Variants in MPDZ observed in about 807,000 individuals in gnomAD.
The protein encoded by MPDZ is multiple PDZ domain protein.
MPDZ carries 234 observed loss-of-function variants against 239.1 expected under a neutral mutation model. The observed-to-expected ratio is 0.98, with a 90% CI of 0.88 to 1.09. The LOEUF is 1.09. Ranked by LOEUF, MPDZ falls within the 50% of genes least tolerant of loss-of-function variation. The pLI is 0.00. For synonymous variants in MPDZ, 1,048 were observed against 881.3 expected (o/e 1.19, Z -3.35); for missense variants, 3,175 against 2,510.0 (o/e 1.26, Z -5.66).
rs1415719520 is a variant in MPDZ at position 13,143,639 on chromosome 9, A to G, written c.3742-75T>C. The G allele has an allele frequency of 3.5e-6, 4 of 1,153,670 alleles. No individual in the cohort carries two copies. The Admixed American group carries it at 6.8e-5, about 20-fold the overall frequency. The allele number at this position is 1,153,670 out of a possible 1,614,324, so 71.5% of individuals were successfully genotyped here. A position where few individuals can be genotyped will look rare whatever the true frequency, so the allele number is the denominator to read the frequency against. On this transcript the variant is annotated intron_variant, in intron 26 of 46. Transcript: ENST00000319217. ...CAACTCAGTTTTAAAAGCAAAGTAC[A>G]TACCGATTTAAAGAACTGCCTGTGT...
intron 1 of MPDZ, among the ~76,000 whole-genome samples, chr9:13,270,919 T>A (rs760445200): frequency 2.0e-5 from 3 of 152,074 alleles, no homozygotes; most frequent in Non-Finnish European, 2.9e-5. Context: ...GTCACAGGAG[T>A]GACAGATCTA....
intron 19 of MPDZ, among the ~76,000 whole-genome samples, chr9:13,182,136 G>T (rs753227411): frequency 6.6e-6 from 1 of 151,988 alleles, no homozygotes; most frequent in Non-Finnish European, 1.5e-5. Context: ...CTAGACCTAC[G>T]GAAATTCTAC....
chr9:13,201,060 A>AT (rs986906155), intron 12 of MPDZ, among the ~76,000 whole-genome samples: 5 of 151,444 alleles, frequency 3.3e-5, no homozygotes, highest in African/African-American at 9.7e-5. Flanking sequence ...CTTCAGGTTT[A>AT]TTTTTTTTAA....
intron 28 of MPDZ, 86 bp downstream of exon 28, chr9:13,139,901 T>C: frequency 6.7e-7 from 1 of 1,498,818 alleles, no homozygotes; most frequent in South Asian, 1.1e-5. Context: ...TGCAACATAC[T>C]TACTTATCCA....
chr9:13,213,743 C>T (rs1275820633), intron 10 of MPDZ, among the ~76,000 whole-genome samples: 2 of 152,010 alleles, frequency 1.3e-5, no homozygotes, highest in Non-Finnish European at 2.9e-5. Flanking sequence ...TTTGCATCAA[C>T]AATTTCCTTC....
At chr9:13,217,852 T>C (rs1247646649) in intron 8 of MPDZ, among the ~76,000 whole-genome samples, 1 of 151,844 alleles carries the variant, frequency 6.6e-6, no homozygotes, top group Non-Finnish European at 1.5e-5. Flanking sequence ...TCCTCATAAT[T>C]CAGCATCCTG....
intron 1 of MPDZ, among the ~76,000 whole-genome samples, chr9:13,268,557 C>T (rs1972296748): frequency 2.0e-5 from 3 of 152,108 alleles, no homozygotes; most frequent in Middle Eastern, 3.4e-3. Flanking sequence ...TATACGGCAA[C>T]GTGATAGGTA....
At position 13,186,402 on chromosome 9, in the gene MPDZ, G is replaced by C. The variant is rs1389068853; in HGVS notation, c.2365-16C>G. 1.3e-6 allele frequency: 2 copies of C among 1,492,952 alleles called. No homozygotes were observed. The highest frequency in any genetic ancestry group is 1.4e-5 in the African/African-American group (1 of 71,918). 92.5% of individuals were successfully genotyped at this position (1,492,952 alleles called of 1,614,324 possible). The stretch of plus-strand genomic sequence containing the variant: ...CTGGTGAAAGCTGCAGGGAAAAAAT[G>C]GTATTCATGGAAAAGAGAGAGAACA... On this transcript the variant is annotated splice_polypyrimidine_tract_variant and intron_variant, in intron 17 of 46. Coordinates refer to ENST00000319217, the MANE Select transcript of MPDZ (RefSeq NM_001378778.1).
chr9:13,236,441 C>G (rs901117473), intron 3 of MPDZ, among the ~76,000 whole-genome samples: 1 of 150,248 alleles, frequency 6.7e-6, no homozygotes, highest in African/African-American at 2.5e-5. Flanking sequence ...TACCACCCAC[C>G]TGGCTAATTT....
Position 13,236,249 on chromosome 9 carries a change from G to GTGTATATATATA in MPDZ, c.183+11385_183+11386insTATATATATACA, listed in dbSNP as rs1329605248. Among the ~76,000 whole-genome samples, 4 of 35,850 alleles carry GTGTATATATATA rather than the reference G, an allele frequency of 1.1e-4. 1 individual carries two copies. The highest frequency in any genetic ancestry group is 4.7e-4 in the African/African-American group (4 of 8,556). 23.5% of individuals were successfully genotyped at this position (35,850 alleles called of 152,430 possible). A position where few individuals can be genotyped will look rare whatever the true frequency, so the allele number is the denominator to read the frequency against. ...TGTATATGTATATGTGTGTGTGTGT[G>GTGTATATATATA]TATATATATATATATATATTTTTTT... On this transcript the variant is annotated intron_variant, in intron 3 of 46. Transcript: ENST00000319217.
At chr9:13,265,753 C>A (rs1263079065) in intron 1 of MPDZ, among the ~76,000 whole-genome samples, 1 of 152,020 alleles carries the variant, frequency 6.6e-6, no homozygotes, top group Non-Finnish European at 1.5e-5. Flanking sequence ...TTTGTGAGAT[C>A]TCGATGACAC....
chr9:13,175,457 T>C (rs760270154), intron 21 of MPDZ, among the ~76,000 whole-genome samples: 25 of 152,226 alleles, frequency 1.6e-4, no homozygotes, highest in Non-Finnish European at 8.8e-5. Context: ...TTTCTAAGAA[T>C]TCCTTTTCTG....
intron 24 of MPDZ, among the ~76,000 whole-genome samples, chr9:13,151,508 T>A (rs774903165): frequency 5.3e-5 from 8 of 152,108 alleles, no homozygotes; most frequent in African/African-American, 1.9e-4. Flanking sequence ...GAAGACATTA[T>A]GCTAAGTGAA....
chr9:13,121,633 G>T, intron 38 of MPDZ, 106 bp downstream of exon 38: 2 of 1,181,780 alleles, frequency 1.7e-6, no homozygotes, highest in Non-Finnish European at 2.5e-6. Context: ...GCTACCTACT[G>T]AACACTAGCC....
At chr9:13,107,976 A>G (rs1941765412) in intron 46 of MPDZ, among the ~76,000 whole-genome samples, 1 of 152,168 alleles carries the variant, frequency 6.6e-6, no homozygotes, top group South Asian at 2.1e-4. Flanking sequence ...ATTTTTGGAC[A>G]TACCGATAGC....
chr9:13,180,242 AG>A (rs1953101839), intron 19 of MPDZ, among the ~76,000 whole-genome samples: 1 of 152,226 alleles, frequency 6.6e-6, no homozygotes, highest in Admixed American at 6.5e-5. Context: ...ATAATTTGTA[AG>A]AATGTTCAGA....
chr9:13,237,956 A>C (rs1004807205), intron 3 of MPDZ, among the ~76,000 whole-genome samples: 29 of 152,330 alleles, frequency 1.9e-4, no homozygotes, highest in African/African-American at 6.3e-4. Flanking sequence ...CAAGATAGAC[A>C]AATAGATTTT....
intron 3 of MPDZ, among the ~76,000 whole-genome samples, chr9:13,234,849 C>G (rs1353689770): frequency 6.6e-6 from 1 of 151,672 alleles, no homozygotes; most frequent in East Asian, 1.9e-4. Flanking sequence ...CTTGTATTTT[C>G]TTCTTGCAGG....
intron 28 of MPDZ, among the ~76,000 whole-genome samples, chr9:13,139,305 A>C (rs1947299730): frequency 6.6e-6 from 1 of 152,220 alleles, no homozygotes; most frequent in Non-Finnish European, 1.5e-5. Flanking sequence ...AATGACATTG[A>C]TAACTTTGGG....
Sources: allele counts gnomAD v4.1 joint callset (sites outside exome capture counted in the v4.1 genomes callset), GRCh38; gene constraint gnomAD v4.1.1; transcripts MANE v1.5; gene names NCBI Gene and HGNC (gene_info 2026-07-23, HGNC 2026-07-21).